Variants in NAA60 observed in about 807,000 individuals in gnomAD.
NAA60 encodes the protein N-alpha-acetyltransferase 60.
NAA60 carries 8 observed loss-of-function variants against 26.1 expected under a neutral mutation model. The ratio of observed to expected loss-of-function variants is 0.31; its 90% CI spans 0.18 to 0.55. NAA60 has a LOEUF of 0.55. Among genes scored for constraint, NAA60 ranks in the 20% least tolerant of loss-of-function variants. The pLI, the probability that NAA60 is intolerant of heterozygous loss-of-function variation, is 0.93. For synonymous variants in NAA60, 131 were observed against 122.5 expected (o/e 1.07, Z -0.46); for missense variants, 290 against 311.3 (o/e 0.93, Z 0.51).
At chr16:3,483,132 G>A (rs2036952758) in intron 5 of NAA60, among the ~76,000 whole-genome samples, 1 of 152,232 alleles carries the variant, frequency 6.6e-6, no homozygotes, top group African/African-American at 2.4e-5. Context: ...CCCAGCCCAT[G>A]GGAGGGCGCT....
rs559197202 is a variant in NAA60, at chr16:3,448,675, G to A, written c.-7+135G>A. 5.2e-5 allele frequency: 36 copies of A among 690,248 alleles called. No individual in the cohort carries two copies. In the East Asian group the frequency reaches 6.0e-4, roughly 12 times the overall value. 42.8% of individuals were successfully genotyped at this position (690,248 alleles called of 1,614,324 possible). ...TTTTTAGTACTGAATGATAGAAGGC[G>A]CCTAGTGAAACAAATGCTTTCACTT... On this transcript the variant is annotated intron_variant, in intron 2 of 7. Transcript: ENST00000407558.
At chr16:3,471,297 C>T (rs534061000) in intron 2 of NAA60, among the ~76,000 whole-genome samples, 28 of 152,134 alleles carry the variant, frequency 1.8e-4, no homozygotes, top group South Asian at 1.2e-3. Flanking sequence ...GTCAGGAGAT[C>T]GAGACCATCC....
At chr16:3,455,330 CAA>C (rs1286593177) in intron 2 of NAA60, among the ~76,000 whole-genome samples, 2 of 151,784 alleles carry the variant, frequency 1.3e-5, no homozygotes, top group Admixed American at 1.3e-4. Context: ...GTCAGCCTCC[CAA>C]AGTGCTGGGA....
At chr16:3,484,132 A>G (rs1228958725) in intron 6 of NAA60, among the ~76,000 whole-genome samples, 1 of 152,176 alleles carries the variant, frequency 6.6e-6, no homozygotes, top group African/African-American at 2.4e-5. Flanking sequence ...GGAAGCCAGG[A>G]AACTTTATAA....
At chr16:3,453,724 A>T (rs2034873276) in intron 2 of NAA60, among the ~76,000 whole-genome samples, 1 of 152,116 alleles carries the variant, frequency 6.6e-6, no homozygotes, top group African/African-American at 2.4e-5. Flanking sequence ...AATAATTTGA[A>T]CCAACATTCT....
At chr16:3,484,634 C>T (rs1336879053) in intron 6 of NAA60, 65 bp from the exon 7 acceptor site, 2 of 1,544,082 alleles carry the variant, frequency 1.3e-6, no homozygotes, top group Non-Finnish European at 1.8e-6. Flanking sequence ...TGCGCGGGCC[C>T]CTGATGACTG....
intron 1 of NAA60, among the ~76,000 whole-genome samples, chr16:3,445,779 G>C (rs954176000): frequency 6.6e-6 from 1 of 152,138 alleles, no homozygotes; most frequent in Non-Finnish European, 1.5e-5. Context: ...ACCAGAGAGA[G>C]AGGGATATAC....
At chr16:3,480,300 A>C (rs1432945209) in intron 4 of NAA60, among the ~76,000 whole-genome samples, 1 of 152,202 alleles carries the variant, frequency 6.6e-6, no homozygotes, top group African/African-American at 2.4e-5. Flanking sequence ...TTATTTCTTT[A>C]AAAGTTAGAG....
At chr16:3,478,963 C>T (rs910274708) in intron 3 of NAA60, among the ~76,000 whole-genome samples, 6 of 152,132 alleles carry the variant, frequency 3.9e-5, no homozygotes, top group Non-Finnish European at 7.4e-5. Context: ...GGGCCAGGCG[C>T]GGTGGCTCAC....
intron 2 of NAA60, chr16:3,456,700 C>G (rs1596296495): frequency 6.6e-6 from 1 of 152,044 alleles, no homozygotes; most frequent in African/African-American, 2.4e-5. Context: ...GATTCTGTTA[C>G]TACTAGATGA....
At chr16:3,450,087 AT>A in intron 2 of NAA60, 2 of 392,952 alleles carry the variant, frequency 5.1e-6, no homozygotes, top group Middle Eastern at 6.4e-4. Flanking sequence ...GAAGCAAAAT[AT>A]TTGGAAGCAA....
At position 3,485,657 on chromosome 16, in the gene NAA60, C is replaced by T. The variant is rs552901513; in HGVS notation, c.*397C>T. On this transcript the variant is annotated 3_prime_UTR_variant, in exon 8 of 8. Transcript: ENST00000407558. ...TTCCTGGAAAGCTGGAGGGGACTTT[C>T]TCCTGCAAGGGAGGAACGCAAGTAT... is the stretch of plus-strand genomic sequence containing the variant. 1.3e-5 allele frequency: 6 copies of T among 456,588 alleles called. No homozygotes were observed. Among genetic ancestry groups the T allele is most frequent in the African/African-American group, 4.0e-5 (2 of 50,086 alleles). The allele number at this position is 456,588 out of a possible 1,614,324, so 28.3% of individuals were successfully genotyped here.
intron 1 of NAA60, among the ~76,000 whole-genome samples, chr16:3,446,117 C>T (rs1163469065): frequency 6.6e-6 from 1 of 152,174 alleles, no homozygotes; most frequent in Non-Finnish European, 1.5e-5. Flanking sequence ...CCAGTAATAA[C>T]AACTACAACC....
At chr16:3,482,997 C>G (rs180849830) in intron 5 of NAA60, 7 of 470,080 alleles carry the variant, frequency 1.5e-5, no homozygotes, top group Non-Finnish European at 2.7e-5. Flanking sequence ...TGTCCCACCC[C>G]ACTCGGCCAC....
intron 2 of NAA60, among the ~76,000 whole-genome samples, chr16:3,475,480 C>T (rs2036422519): frequency 2.6e-5 from 4 of 152,148 alleles, no homozygotes; most frequent in African/African-American, 4.8e-5. Flanking sequence ...GCCGGCCAGC[C>T]TTCCTCCCTC....
rs148543110 is a variant in NAA60, at chr16:3,451,603, A to T, written c.-7+3063A>T. Reference sequence around the variant, plus strand: ...GCATTAAAACAATGAGACCTTTTTCAGTTAGATTGCAGAAAGGTAAAGAAT... The same window carrying T: ...GCATTAAAACAATGAGACCTTTTTCTGTTAGATTGCAGAAAGGTAAAGAAT... On this transcript the variant is annotated intron_variant, in intron 2 of 7. Transcript: ENST00000407558. Among the ~76,000 whole-genome samples, 625 of 152,282 alleles carry T rather than the reference A, an allele frequency of 4.1e-3. 5 individuals are homozygous for T. Among genetic ancestry groups the T allele is most frequent in the African/African-American group, 0.014 (591 of 41,566 alleles).
At chr16:3,463,393 A>C (rs1239150051) in intron 2 of NAA60, among the ~76,000 whole-genome samples, 3 of 151,372 alleles carry the variant, frequency 2.0e-5, no homozygotes, top group African/African-American at 7.3e-5. Flanking sequence ...ACAAAAAAAA[A>C]ACAAAAATTA....
chr16:3,477,849 A>G (rs1848998371), intron 3 of NAA60, among the ~76,000 whole-genome samples: 1 of 152,228 alleles, frequency 6.6e-6, no homozygotes, highest in African/African-American at 2.4e-5. Flanking sequence ...GTGGATCACG[A>G]AGTCAGGAGT....
In NAA60 at chr16:3,444,182, C is replaced by T. The variant is rs184150137; in HGVS notation, c.-77+345C>T. Among the ~76,000 whole-genome samples, 6 of 152,226 alleles carry T rather than the reference C, an allele frequency of 3.9e-5. No individual in the cohort carries two copies. The East Asian group carries it at 9.7e-4, about 24-fold the overall frequency. On this transcript the variant is annotated intron_variant, in intron 1 of 7. Transcript: ENST00000407558. ...CAGGACGTTGTTCGCCCCCGGATACCTCACATGCAGCCTACCCTAGAGCCA... is the reference window on the plus strand; with the variant it reads ...CAGGACGTTGTTCGCCCCCGGATACTTCACATGCAGCCTACCCTAGAGCCA...
Sources: gnomAD v4.1 joint callset for allele counts (sites outside exome capture counted in the v4.1 genomes callset) on GRCh38, gnomAD v4.1.1 for gene constraint, MANE v1.5 for transcripts, NCBI Gene and HGNC (gene_info 2026-07-23, HGNC 2026-07-21) for gene names.